Variants in DNAH3 observed in about 807,000 individuals in gnomAD.
DNAH3 encodes the protein axonemal beta dynein heavy chain 3.
A neutral mutation model predicts 432.5 loss-of-function variants in DNAH3; 332 were observed. The observed-to-expected ratio is 0.77, with a 90% CI of 0.70 to 0.84. DNAH3 has a LOEUF of 0.84. Among genes scored for constraint, DNAH3 ranks in the 40% least tolerant of loss-of-function variants. The pLI is 0.00. For synonymous variants in DNAH3, 1,956 were observed against 1,900.2 expected (o/e 1.03, Z -0.76); for missense variants, 4,861 against 5,114.0 (o/e 0.95, Z 1.51).
chr16:20,968,520 C>G (rs1238176854), intron 52 of DNAH3, among the ~76,000 whole-genome samples: 1 of 152,156 alleles, frequency 6.6e-6, no homozygotes, highest in Admixed American at 6.5e-5. Context: ...ATGCAAAGTC[C>G]TACACCTAAT....
At chr16:21,139,193 G>C (rs1327083611) in intron 5 of DNAH3, among the ~76,000 whole-genome samples, 1 of 152,034 alleles carries the variant, frequency 6.6e-6, no homozygotes, top group Non-Finnish European at 1.5e-5. Flanking sequence ...AAATAATAAG[G>C]AATGGTGGGA....
chr16:20,942,366 G>C (rs1316616087), intron 58 of DNAH3, among the ~76,000 whole-genome samples: 2 of 152,194 alleles, frequency 1.3e-5, no homozygotes, highest in East Asian at 3.9e-4. Flanking sequence ...AGGCCTCGAG[G>C]CTCAAGGAGG....
exon 56 of DNAH3, chr16:20,952,498 C>G: frequency 6.2e-7 from 1 of 1,613,574 alleles, no homozygotes; most frequent in Non-Finnish European, 8.5e-7. Flanking sequence ...CTGGATCTGC[C>G]ACATACTAAT....
At chr16:21,019,974 G>A (rs949623829) in intron 40 of DNAH3, 105 bp from the exon 41 acceptor site, 8 of 1,321,920 alleles carry the variant, frequency 6.1e-6, no homozygotes, top group East Asian at 4.6e-5. Context: ...CCAGAAGGGC[G>A]ACTGATATTG....
At chr16:21,119,149 G>A (rs1271784376) in intron 11 of DNAH3, among the ~76,000 whole-genome samples, 1 of 152,170 alleles carries the variant, frequency 6.6e-6, no homozygotes, top group Non-Finnish European at 1.5e-5. Flanking sequence ...GTCAATGCGT[G>A]AATGAAATGG....
chr16:21,087,084 G>A (rs1462936553), intron 18 of DNAH3, 24 bp from the exon 19 acceptor site: 1 of 1,584,848 alleles, frequency 6.3e-7, no homozygotes, highest in Non-Finnish European at 8.7e-7. Flanking sequence ...GTGAGGGAAA[G>A]GTCAGACCAT....
At chr16:21,095,966 T>C (rs2194057) in intron 18 of DNAH3, among the ~76,000 whole-genome samples, 7 of 152,056 alleles carry the variant, frequency 4.6e-5, no homozygotes, top group Non-Finnish European at 8.8e-5. Flanking sequence ...AATAAGGTCT[T>C]GCTAAGTTGC....
At chr16:21,115,532 C>T (rs1336948486) in intron 12 of DNAH3, among the ~76,000 whole-genome samples, 1 of 151,566 alleles carries the variant, frequency 6.6e-6, no homozygotes, top group East Asian at 1.9e-4. Context: ...CATGGTGAAA[C>T]CTTGTGTCTA....
intron 21 of DNAH3, among the ~76,000 whole-genome samples, chr16:21,071,340 C>T (rs1427379792): frequency 1.3e-5 from 2 of 151,968 alleles, no homozygotes; most frequent in African/African-American, 4.8e-5. Context: ...CCACACCCAG[C>T]CTGGATATTT....
chr16:20,948,648 C>G lies in DNAH3; in HGVS notation c.11189-11G>C. The G allele has an allele frequency of 3.7e-6, 6 of 1,613,984 alleles. No homozygotes were observed. The highest frequency in any genetic ancestry group is 5.1e-6 in the Non-Finnish European group (6 of 1,179,948). ...CGTAATTACATTCCCCTGGGGACAA[C>G]CAACAGAAGGAGAGGTTGAGCCCAG... On this transcript the variant is annotated splice_polypyrimidine_tract_variant and intron_variant, in intron 56 of 61. Transcript: ENST00000261383.
intron 27 of DNAH3, 104 bp from the exon 28 acceptor site, chr16:21,054,638 C>T: frequency 1.3e-6 from 1 of 788,798 alleles, no homozygotes; most frequent in South Asian, 1.7e-5. Flanking sequence ...TCAAGCCAGA[C>T]TCCTGGGTGT....
chr16:20,949,668 T>C (rs2084223711), intron 56 of DNAH3, among the ~76,000 whole-genome samples: 1 of 152,236 alleles, frequency 6.6e-6, no homozygotes, highest in Admixed American at 6.5e-5. Flanking sequence ...CTTTGCTAAC[T>C]GTGCCCCTGA....
At chr16:21,034,159 A>G (rs916851972) in intron 35 of DNAH3, 74 bp from the exon 36 acceptor site, 20 of 934,666 alleles carry the variant, frequency 2.1e-5, no homozygotes, top group African/African-American at 1.5e-4. Context: ...TCAGAAGTCA[A>G]TGAGGAATGA....
At chr16:20,937,210 A>C (rs947866099) in intron 59 of DNAH3, among the ~76,000 whole-genome samples, 1 of 152,034 alleles carries the variant, frequency 6.6e-6, no homozygotes, top group Non-Finnish European at 1.5e-5. Flanking sequence ...GGCTGGAGTA[A>C]GTAGTGAGAT....
chr16:21,034,410 C>G (rs2089057846), intron 35 of DNAH3, among the ~76,000 whole-genome samples: 1 of 152,100 alleles, frequency 6.6e-6, no homozygotes, highest in Admixed American at 6.6e-5. Flanking sequence ...AGACTGAGCC[C>G]AAGAGAGGTT....
intron 1 of DNAH3, among the ~76,000 whole-genome samples, chr16:21,153,668 C>G (rs555059852): frequency 1.3e-5 from 2 of 152,124 alleles, no homozygotes. Context: ...CCTGCGCCAG[C>G]GAGACCAGAA....
intron 31 of DNAH3, 70 bp downstream of exon 31, chr16:21,049,499 G>T: frequency 8.3e-7 from 1 of 1,203,706 alleles, no homozygotes; most frequent in Non-Finnish European, 1.2e-6. Flanking sequence ...TGTTATTAAG[G>T]GGTGCAGAGC....
chr16:20,986,108 G>A (rs1275376537), intron 47 of DNAH3, among the ~76,000 whole-genome samples: 7 of 151,732 alleles, frequency 4.6e-5, no homozygotes, highest in African/African-American at 1.2e-4. Context: ...TGCCCACCTC[G>A]TCCTCCCAAA....
rs1278623293 is a variant in DNAH3, at chr16:21,112,088, C to T, written c.1825G>A (p.Val609Ile). The T allele has an allele frequency of 2.5e-6, 4 of 1,608,814 alleles. No homozygotes were observed. In the African/African-American group the frequency reaches 4.0e-5, roughly 16 times the overall value. Reference sequence around the variant, plus strand: ...AATAAGTCAACATACTTTTTGTAGACATTTAAATATCTTCCATATTGAAGG... The same window carrying T: ...AATAAGTCAACATACTTTTTGTAGATATTTAAATATCTTCCATATTGAAGG... Residue 609 changes from valine (V) to isoleucine (I), a missense_variant, in exon 13 of 62, where the codon GTC becomes ATC. Physicochemically the swap from Val to Ile is conservative, Grantham distance 29. Transcript: ENST00000261383.
Sources: allele counts gnomAD v4.1 joint callset (sites outside exome capture counted in the v4.1 genomes callset), GRCh38; gene constraint gnomAD v4.1.1; transcripts MANE v1.5; gene names NCBI Gene and HGNC (gene_info 2026-07-23, HGNC 2026-07-21).